The following TTC13 variants were observed in gnomAD, a reference collection of about 807,000 sequenced individuals.
TTC13 encodes the protein tetratricopeptide repeat domain 13.
TTC13 carries 62 observed loss-of-function variants against 120.0 expected under a neutral mutation model. The observed-to-expected ratio is 0.52, with a 90% CI of 0.42 to 0.64. TTC13 has a LOEUF of 0.64. Ranked by LOEUF, TTC13 falls within the 30% of genes least tolerant of loss-of-function variation. The pLI, the probability that TTC13 is intolerant of heterozygous loss-of-function variation, is 0.00. For missense variants in TTC13, 824 were observed against 1,050.2 expected, an observed-to-expected ratio of 0.78 and a Z score of 2.98; for synonymous variants, 384 against 393.5, an observed-to-expected ratio of 0.98 and a Z score of 0.28.
In TTC13 at chr1:230,906,716, C is replaced by CG. The variant is rs1201099695; in HGVS notation, c.*188_*189insC. The stretch of plus-strand genomic sequence containing the variant: ...CTCCAAGTCAAGTAGCTTTTTCCCC[C>CG]CGAAAGCCTCTTTCATGATTTTCAT... On this transcript the variant is annotated 3_prime_UTR_variant, in exon 23 of 23. Transcript: ENST00000366661. 8.3e-5 allele frequency: 27 copies of CG among 326,236 alleles called. No individual in the cohort carries two copies. The highest frequency in any genetic ancestry group is 5.2e-4 in the African/African-American group (24 of 46,528). The allele number at this position is 326,236 out of a possible 1,614,324, so 20.2% of individuals were successfully genotyped here. A position where few individuals can be genotyped will look rare whatever the true frequency, so the allele number is the denominator to read the frequency against.
intron 1 of TTC13, among the ~76,000 whole-genome samples, chr1:230,972,389 A>T (rs549111913): frequency 6.6e-6 from 1 of 152,378 alleles, no homozygotes; most frequent in South Asian, 2.1e-4. Flanking sequence ...TTGATAAAAA[A>T]GTAAAACCAA....
chr1:230,909,839 C>A (rs1031433505), intron 20 of TTC13, among the ~76,000 whole-genome samples: 6 of 152,072 alleles, frequency 3.9e-5, no homozygotes, highest in Non-Finnish European at 7.4e-5. Context: ...GCTCGTGGGG[C>A]AAGGTCTGCT....
At chr1:230,938,135 A>G in intron 8 of TTC13, among the ~76,000 whole-genome samples, 1 of 152,366 alleles carries the variant, frequency 6.6e-6, no homozygotes, top group East Asian at 1.9e-4. Flanking sequence ...TGCAGAATAC[A>G]TATCCCTGCC....
chr1:230,919,678 T>C (rs11122622), intron 17 of TTC13, among the ~76,000 whole-genome samples: 71,906 of 152,026 alleles, frequency 0.47, 17,540 homozygotes, highest in Admixed American at 0.57. Flanking sequence ...GGGCAGTCTA[T>C]TTAGAAATTG....
At chr1:230,925,031 T>C in intron 13 of TTC13, 58 bp from the exon 14 acceptor site, 15 of 1,598,034 alleles carry the variant, frequency 9.4e-6, no homozygotes, top group Non-Finnish European at 1.2e-5. Context: ...GAGTTCCACC[T>C]ACTTTACAGA....
Position 230,929,092 on chromosome 1 carries a change from C to T in TTC13, c.1302G>A (p.Glu434=). The stretch of plus-strand genomic sequence containing the variant: ...GGTGTGCATGAAGATATCGAGAATA[C>T]TCTGCAGAAAGGAAATGAGATCTGA... The part of the protein sequence containing the change: ...PEYLKVKYLR[E]YSRYLHAHLD... Residue 434 remains glutamate, a splice_region_variant and synonymous_variant, in exon 12 of 23, where the codon GAG becomes GAA. Coordinates refer to ENST00000366661, the MANE Select transcript of TTC13 (RefSeq NM_024525.5). 6.2e-7 allele frequency: 1 copy of T among 1,613,078 alleles called. No individual in the cohort carries two copies. Among genetic ancestry groups the T allele is most frequent in the African/African-American group, 1.3e-5 (1 of 74,958 alleles).
chr1:230,913,255 A>AT (rs1329177105), intron 18 of TTC13, among the ~76,000 whole-genome samples: 3 of 152,312 alleles, frequency 2.0e-5, no homozygotes, highest in South Asian at 4.1e-4. Flanking sequence ...TACAACAGGC[A>AT]TTTTTTGTAT....
In TTC13 at chr1:230,907,027, A is replaced by G; in HGVS notation, c.2469-8T>C. Reference sequence around the variant, plus strand: ...TTATAAGAAGGTGAAATACTGAAAAAGAAAAACACAAAGTAGCGGCATGAA... The same window carrying G: ...TTATAAGAAGGTGAAATACTGAAAAGGAAAAACACAAAGTAGCGGCATGAA... On this transcript the variant is annotated splice_region_variant and splice_polypyrimidine_tract_variant and intron_variant, in intron 22 of 22. Transcript: ENST00000366661. The G allele has an allele frequency of 7.1e-7, 1 of 1,414,346 alleles. No individual in the cohort carries two copies. The allele number at this position is 1,414,346 out of a possible 1,614,324, so 87.6% of individuals were successfully genotyped here.
intron 14 of TTC13, 123 bp downstream of exon 14, chr1:230,924,718 A>C (rs1558178455): frequency 1.9e-6 from 2 of 1,080,778 alleles, no homozygotes; most frequent in Non-Finnish European, 2.7e-6. Flanking sequence ...AGAGAGGAAA[A>C]CCTAACTTGG....
In TTC13 at chr1:230,978,250, C is replaced by G. The variant is rs12759183; in HGVS notation, c.271+310G>C. 6.6e-6 allele frequency among the ~76,000 whole-genome samples: 1 copy of G among 152,040 alleles called. No homozygotes were observed. Among genetic ancestry groups the G allele is most frequent in the Non-Finnish European group, 1.5e-5 (1 of 67,970 alleles). ...GAACAGGGCTGCCCCGGGCCACCTG[C>G]CATCTCCTCCGCCACCCTTCCAACA... On this transcript the variant is annotated intron_variant, in intron 1 of 22. Transcript: ENST00000366661. The surrounding 1 kb of genome is among the most constrained non-coding windows in gnomAD (Gnocchi z 5.6).
rs539088555 is a variant in TTC13 at position 230,942,164 on chromosome 1, G to A, written c.673-1608C>T. Reference sequence around the variant, plus strand: ...TTAGATATGCAAATTGTAAAGACCTGTTAAATAATTCTTACCTAAATATAC... The same window carrying A: ...TTAGATATGCAAATTGTAAAGACCTATTAAATAATTCTTACCTAAATATAC... On this transcript the variant is annotated intron_variant, in intron 6 of 22. Coordinates refer to ENST00000366661, the MANE Select transcript of TTC13 (RefSeq NM_024525.5). This position sits in a 1 kb window ranked among gnomAD's most constrained non-coding sequence, Gnocchi z 4.0. Among the ~76,000 whole-genome samples the A allele has an allele frequency of 6.6e-6, 1 of 152,192 alleles. No homozygotes were observed. The highest frequency in any genetic ancestry group is 1.9e-4 in the East Asian group (1 of 5,172).
intron 17 of TTC13, among the ~76,000 whole-genome samples, chr1:230,917,587 G>T (rs1474851364): frequency 1.3e-5 from 2 of 152,016 alleles, no homozygotes; most frequent in Non-Finnish European, 2.9e-5. Context: ...CCGTAATCCT[G>T]GGTAAAGGCT....
chr1:230,924,916 G>A lies in TTC13; in HGVS notation c.1646C>T (p.Ser549Leu), dbSNP rs989142915. ...TGTCTTCCCATTCATTCGAACTTTCGAGTTGGTCCATGTACGCTGCACGGC... is the reference window on the plus strand; with the variant it reads ...TGTCTTCCCATTCATTCGAACTTTCAAGTTGGTCCATGTACGCTGCACGGC... ...MQAVQRTWTN[S>L]KVRMNGKTRL... is the part of the protein sequence containing the mutation. Residue 549 changes from serine (S) to leucine (L), a missense_variant, in exon 14 of 23, where the codon TCG becomes TTG. Physicochemically the swap from Ser to Leu is moderately radical, Grantham distance 145 (BLOSUM62 -2). This residue lies in a region of TTC13 where 430 missense variants were observed against 626.8 expected (regional missense o/e 0.69). Transcript: ENST00000366661. 9 of 1,613,960 alleles carry A rather than the reference G, an allele frequency of 5.6e-6. No homozygotes were observed. Among genetic ancestry groups the A allele is most frequent in the East Asian group, 4.5e-5 (2 of 44,890 alleles).
chr1:230,927,932 C>T (rs1572207491), intron 12 of TTC13, among the ~76,000 whole-genome samples: 1 of 152,156 alleles, frequency 6.6e-6, no homozygotes, highest in African/African-American at 2.4e-5. Flanking sequence ...ACATCTTAAC[C>T]AGTCCCACTC....
In TTC13 at chr1:230,944,347, T is replaced by C. The variant is rs1031700518; in HGVS notation, c.580-449A>G. Among the ~76,000 whole-genome samples the C allele has an allele frequency of 1.3e-5, 2 of 152,236 alleles. No homozygotes were observed. The highest frequency in any genetic ancestry group is 2.4e-5 in the African/African-American group (1 of 41,472). ...AGTTTAGGTACATTCTCTTTAACATTTGCACATTATTTTTACATTAAAAAT... is the reference window on the plus strand; with the variant it reads ...AGTTTAGGTACATTCTCTTTAACATCTGCACATTATTTTTACATTAAAAAT... On this transcript the variant is annotated intron_variant, in intron 5 of 22. Coordinates refer to ENST00000366661, the MANE Select transcript of TTC13 (RefSeq NM_024525.5). This position sits in a 1 kb window ranked among gnomAD's most constrained non-coding sequence, Gnocchi z 4.0.
intron 1 of TTC13, among the ~76,000 whole-genome samples, chr1:230,969,681 C>G (rs1261764488): frequency 6.6e-6 from 1 of 152,088 alleles, no homozygotes; most frequent in African/African-American, 2.4e-5. Context: ...TCAGACTAAC[C>G]CAGATTAGAT....
At position 230,913,216 on chromosome 1, in the gene TTC13, C is replaced by A. The variant is rs552982838; in HGVS notation, c.2094-458G>T. Among the ~76,000 whole-genome samples, 26 of 152,290 alleles carry A rather than the reference C, an allele frequency of 1.7e-4. 1 individual carries two copies. Among genetic ancestry groups the A allele is most frequent in the African/African-American group, 5.5e-4 (23 of 41,566 alleles). On this transcript the variant is annotated intron_variant, in intron 18 of 22. Coordinates refer to ENST00000366661, the MANE Select transcript of TTC13 (RefSeq NM_024525.5). ...AAAAAAAAGTGGAGCTGAAGCTCCA[C>A]TGAGGTTCTGTGGAGGATATAAGTT...
intron 6 of TTC13, among the ~76,000 whole-genome samples, chr1:230,943,149 AAATATTATGTGTTATATTTTTCAATG>A (rs1045884147): frequency 1.2e-4 from 18 of 152,212 alleles, no homozygotes; most frequent in East Asian, 1.9e-4. Flanking sequence ...CATATACAGT[AAATATTATGTGTTATATTTTTCAATG>A]AATATTATGT....
Position 230,943,844 on chromosome 1 carries a change from C to T in TTC13, c.634G>A (p.Glu212Lys). Residue 212 changes from glutamate to lysine, a missense_variant, in exon 6 of 23, where the codon GAA becomes AAA. Around this residue, in one of 4 missense-constraint regions of TTC13, gnomAD observed 430 missense variants for 626.8 expected, o/e 0.69. Transcript: ENST00000366661. ...TCAAATACCTCTGGACGATCTGGTT[C>T]CAAGGTAATTACTCGGCTCAGTTCG... Reference protein sequence around the residue: ...LFELSRVITLEPDRPEVFEQR... With the variant: ...LFELSRVITLKPDRPEVFEQR... The T allele has an allele frequency of 1.2e-6, 2 of 1,612,046 alleles. No homozygotes were observed. Among genetic ancestry groups the T allele is most frequent in the South Asian group, 1.1e-5 (1 of 90,870 alleles).
Sources: allele counts gnomAD v4.1 joint callset (sites outside exome capture counted in the v4.1 genomes callset), GRCh38; gene constraint gnomAD v4.1.1; regional missense constraint gnomAD v4.1.1; non-coding constraint Gnocchi (gnomAD v3.1); transcripts MANE v1.5; gene names NCBI Gene and HGNC (gene_info 2026-07-23, HGNC 2026-07-21).